The following ADORA2B variants were observed in gnomAD, a reference collection of about 807,000 sequenced individuals.
ADORA2B encodes the protein adenosine A2b receptor.
In ADORA2B, 18 loss-of-function variants were observed where a neutral mutation model predicts 20.8. The ratio of observed to expected loss-of-function variants is 0.87; its 90% CI spans 0.60 to 1.29. ADORA2B has a LOEUF of 1.29. Ranked by LOEUF, ADORA2B falls within the 50% of genes most tolerant of loss-of-function variation. The pLI is 0.00. For missense variants in ADORA2B, 441 were observed against 422.7 expected, an observed-to-expected ratio of 1.04 and a Z score of -0.38; for synonymous variants, 179 against 178.3, an observed-to-expected ratio of 1.00 and a Z score of -0.03.
chr17:15,898,834 C>T, the ADORA2B span, among the ~76,000 whole-genome samples: 1 of 152,140 alleles, frequency 6.6e-6, no homozygotes, highest in Admixed American at 6.5e-5. Context: ...CTTAAAGTCA[C>T]TTAGGAGTGT....
chr17:15,866,946 G>C, the ADORA2B span, among the ~76,000 whole-genome samples: 2 of 152,270 alleles, frequency 1.3e-5, no homozygotes, highest in East Asian at 1.9e-4. Context: ...CGCCACGCCT[G>C]ACTGGTTTTC....
chr17:15,934,916 C>T, the ADORA2B span, among the ~76,000 whole-genome samples: 1 of 152,070 alleles, frequency 6.6e-6, no homozygotes, highest in Non-Finnish European at 1.5e-5. Context: ...AAGTGATTCT[C>T]CTGCCTCAGC....
chr17:15,959,247 T>C (rs981899592), intron 1 of ADORA2B, among the ~76,000 whole-genome samples: 2 of 152,200 alleles, frequency 1.3e-5, no homozygotes, highest in African/African-American at 4.8e-5. Flanking sequence ...AGTCTTTTAA[T>C]TGCAGGGATT....
the ADORA2B span, among the ~76,000 whole-genome samples, chr17:15,894,833 T>G: frequency 2.0e-5 from 3 of 152,144 alleles, no homozygotes; most frequent in African/African-American, 7.2e-5. Flanking sequence ...CAAAGAATGG[T>G]CATGGTAATG....
chr17:15,937,339 T>A, the ADORA2B span, among the ~76,000 whole-genome samples: 1 of 152,210 alleles, frequency 6.6e-6, no homozygotes, highest in African/African-American at 2.4e-5. Context: ...GGATAGCAAT[T>A]TCCTTAAATG....
At chr17:15,864,941 T>A in the ADORA2B span, among the ~76,000 whole-genome samples, 2 of 150,942 alleles carry the variant, frequency 1.3e-5, no homozygotes, top group Non-Finnish European at 2.9e-5. Flanking sequence ...TTGTGATCAG[T>A]GGGAATGCAT....
the ADORA2B span, among the ~76,000 whole-genome samples, chr17:15,885,156 T>A: frequency 6.6e-6 from 1 of 152,252 alleles, no homozygotes; most frequent in Non-Finnish European, 1.5e-5. Context: ...TTTATTTGCA[T>A]TTCTCTAATA....
chr17:15,893,924 A>G, the ADORA2B span, among the ~76,000 whole-genome samples: 1 of 152,212 alleles, frequency 6.6e-6, no homozygotes, highest in African/African-American at 2.4e-5. Context: ...CAACTCTACC[A>G]TTGGGCTAAA....
chr17:15,890,510 G>A, the ADORA2B span, among the ~76,000 whole-genome samples: 1 of 148,054 alleles, frequency 6.8e-6, no homozygotes, highest in South Asian at 2.1e-4. Flanking sequence ...TTTGTATTTT[G>A]TGCCTTATAT....
chr17:15,868,048 G>T, the ADORA2B span, among the ~76,000 whole-genome samples: 1 of 146,936 alleles, frequency 6.8e-6, no homozygotes, highest in East Asian at 2.0e-4. Flanking sequence ...TCTGCCTTGG[G>T]ATCCTGTTGA....
chr17:15,968,992 CA>C (rs1320066748), intron 1 of ADORA2B, among the ~76,000 whole-genome samples: 1 of 152,184 alleles, frequency 6.6e-6, no homozygotes, highest in Admixed American at 6.5e-5. Context: ...GAGGTAACAG[CA>C]GTTCTCAAGG....
chr17:15,945,776 C>A (rs1241910959), intron 1 of ADORA2B, among the ~76,000 whole-genome samples, 193 bp downstream of exon 1: 1 of 152,178 alleles, frequency 6.6e-6, no homozygotes, highest in South Asian at 2.1e-4. Flanking sequence ...CCCAAGACAT[C>A]CCAGATGCGC....
chr17:15,888,139 A>G, the ADORA2B span, among the ~76,000 whole-genome samples: 2 of 128,334 alleles, frequency 1.6e-5, 1 homozygote, highest in Non-Finnish European at 3.3e-5. Context: ...GTTGCTTTCA[A>G]CCACCATAGA....
the ADORA2B span, among the ~76,000 whole-genome samples, chr17:15,908,245 G>A: frequency 3.3e-5 from 5 of 152,224 alleles, no homozygotes; most frequent in Admixed American, 3.3e-4. Flanking sequence ...GTGCCACCAT[G>A]CCTGAGTTTT....
chr17:15,943,176 C>A (rs1050214865), upstream of ADORA2B, among the ~76,000 whole-genome samples: 11 of 152,286 alleles, frequency 7.2e-5, no homozygotes, highest in South Asian at 1.7e-3. Context: ...AGTAACAAAA[C>A]CTCAAGGGAA....
chr17:15,860,624 A>G, the ADORA2B span, among the ~76,000 whole-genome samples: 2 of 152,138 alleles, frequency 1.3e-5, no homozygotes, highest in Non-Finnish European at 2.9e-5. Flanking sequence ...ACAAGGGTTG[A>G]TTTGCATATA....
chr17:15,918,428 A>T, the ADORA2B span, among the ~76,000 whole-genome samples: 3 of 152,340 alleles, frequency 2.0e-5, no homozygotes, highest in East Asian at 5.8e-4. Flanking sequence ...CATACAACAC[A>T]GGATGCCCAA....
chr17:15,899,892 C>T, the ADORA2B span, among the ~76,000 whole-genome samples: 8 of 150,858 alleles, frequency 5.3e-5, no homozygotes, highest in Admixed American at 3.3e-4. Flanking sequence ...GGTGCAGTGG[C>T]GTGATTCTAG....
the ADORA2B span, among the ~76,000 whole-genome samples, chr17:15,886,214 G>A: frequency 6.6e-6 from 1 of 152,090 alleles, no homozygotes; most frequent in African/African-American, 2.4e-5. Context: ...TGTCTCCCAG[G>A]CTCCCAGAAC....
Sources: allele counts gnomAD v4.1 joint callset (sites outside exome capture counted in the v4.1 genomes callset), GRCh38; gene constraint gnomAD v4.1.1; transcripts MANE v1.5; gene names NCBI Gene and HGNC (gene_info 2026-07-23, HGNC 2026-07-21).